YAE1: variants seen among roughly 807,000 people sequenced by gnomAD.
YAE1 encodes the protein protein YAE1 homolog.
YAE1 carries 22 observed loss-of-function variants against 23.0 expected under a neutral mutation model. The observed-to-expected ratio is 0.96, with a 90% CI of 0.68 to 1.37. The LOEUF is 1.37. YAE1 is among the 40% of genes most tolerant of loss of function. YAE1 has a pLI of 0.00. For synonymous variants in YAE1, 101 were observed against 97.0 expected (o/e 1.04, Z -0.24); for missense variants, 260 against 262.1 (o/e 0.99, Z 0.06).
rs139384714 is a variant in YAE1, at chr7:39,572,625, A to G, written c.600A>G (p.Thr200=). ...CACATTCAGAAAACCCAAGCCCCAC[A>G]TGGATTTTGGAACAGACAGCCAGTT... ...EHAHSENPSP[T]WILEQTASLV... Residue 200 remains threonine, a synonymous_variant, in exon 3 of 3, where the codon ACA becomes ACG. Transcript: ENST00000223273. 5.8e-5 allele frequency: 93 copies of G among 1,614,056 alleles called. 2 individuals are homozygous for G. The African/African-American group carries it at 7.2e-4, about 12-fold the overall frequency.
chr7:39,605,461 T>A (rs1791116489), intron 2 of YAE1, among the ~76,000 whole-genome samples: 1 of 152,214 alleles, frequency 6.6e-6, no homozygotes, highest in South Asian at 2.1e-4. Context: ...AGAAGACTGA[T>A]CCTCCCTCAA....
chr7:39,601,229 A>T (rs940763274), intron 2 of YAE1, among the ~76,000 whole-genome samples: 1 of 152,242 alleles, frequency 6.6e-6, no homozygotes, highest in Non-Finnish European at 1.5e-5. Context: ...TGCCAGGAAC[A>T]TGCTTAATTC....
intron 2 of YAE1, among the ~76,000 whole-genome samples, chr7:39,578,765 T>G (rs1191500155): frequency 6.6e-6 from 1 of 152,200 alleles, no homozygotes; most frequent in Non-Finnish European, 1.5e-5. Context: ...GGTCTGCAGC[T>G]TCATTCTTGA....
chr7:39,589,467 T>C (rs1309489894), intron 2 of YAE1, among the ~76,000 whole-genome samples: 4 of 151,780 alleles, frequency 2.6e-5, no homozygotes, highest in Non-Finnish European at 4.4e-5. Flanking sequence ...AGGGTTTCAC[T>C]AGGCTGGTCT....
At chr7:39,611,825 A>G (rs568740490), downstream of YAE1, among the ~76,000 whole-genome samples, 168 of 152,304 alleles carry the variant, frequency 1.1e-3, no homozygotes, top group African/African-American at 3.9e-3. Flanking sequence ...TATAGAATAT[A>G]GTTTTTTTAA....
In YAE1 at chr7:39,572,747, T is replaced by C. The variant is rs1256403433; in HGVS notation, c.*41T>C. The C allele has an allele frequency of 1.3e-6, 2 of 1,526,452 alleles. No homozygotes were observed. The highest frequency in any genetic ancestry group is 8.8e-7 in the Non-Finnish European group (1 of 1,142,720). 94.6% of individuals were successfully genotyped at this position (1,526,452 alleles called of 1,614,324 possible). On this transcript the variant is annotated 3_prime_UTR_variant, in exon 3 of 3. Coordinates refer to ENST00000223273, the MANE Select transcript of YAE1 (RefSeq NM_020192.5). Reference sequence around the variant, plus strand: ...TCTAATGAAAATAATGTTCAGAACATTTGGTTTCCTAACAATCGAAATTTG... The same window carrying C: ...TCTAATGAAAATAATGTTCAGAACACTTGGTTTCCTAACAATCGAAATTTG...
downstream of YAE1, among the ~76,000 whole-genome samples, chr7:39,576,237 A>C (rs899491826): frequency 1.3e-5 from 2 of 152,254 alleles, no homozygotes; most frequent in African/African-American, 4.8e-5. Flanking sequence ...TAATTAATTT[A>C]TGTACCAGCC....
At chr7:39,569,189 C>G (rs866732134) in intron 1 of YAE1, among the ~76,000 whole-genome samples, 35 of 152,302 alleles carry the variant, frequency 2.3e-4, no homozygotes, top group Admixed American at 1.2e-3. Context: ...AACCACCATA[C>G]TGTCCTTAAA....
chr7:39,601,502 G>A (rs533346084), intron 2 of YAE1, among the ~76,000 whole-genome samples: 248 of 152,298 alleles, frequency 1.6e-3, no homozygotes, highest in Non-Finnish European at 2.4e-3. Context: ...GTTCACGCCT[G>A]TAATCCCAGC....
chr7:39,569,751 C>T (rs920543975), intron 1 of YAE1: 17 of 747,906 alleles, frequency 2.3e-5, no homozygotes, highest in Admixed American at 1.2e-4. Flanking sequence ...TGACGTACTA[C>T]TCATCTGAAC....
intron 2 of YAE1, among the ~76,000 whole-genome samples, chr7:39,586,023 T>A (rs1442756660): frequency 2.6e-5 from 4 of 152,054 alleles, no homozygotes; most frequent in Non-Finnish European, 5.9e-5. Flanking sequence ...TCACTGTAAC[T>A]TTGGAGGTCA....
exon 3 of YAE1, chr7:39,609,651 G>A: frequency 6.5e-7 from 1 of 1,535,622 alleles, no homozygotes; most frequent in Non-Finnish European, 8.7e-7. Flanking sequence ...GGGCTTGAGA[G>A]CCCCGCTGAG....
chr7:39,583,732 A>G lies in YAE1; in HGVS notation c.251+13105A>G, dbSNP rs535229178. Among the ~76,000 whole-genome samples the G allele has an allele frequency of 1.5e-4, 22 of 150,940 alleles. No individual in the cohort carries two copies. The South Asian group carries it at 3.9e-3, about 27-fold the overall frequency. ...ATAAAATGGAGGTAATGGTAGTGAC[A>G]TCATTGTTTCTGTGGGGATTACGTG... On this transcript the variant is annotated intron_variant, in intron 2 of 2. Transcript: ENST00000432096.
chr7:39,579,009 C>A (rs573036451), intron 2 of YAE1, among the ~76,000 whole-genome samples: 1 of 152,156 alleles, frequency 6.6e-6, no homozygotes, highest in South Asian at 2.1e-4. Context: ...TGAAAACAAA[C>A]CAAGATGTTA....
At chr7:39,585,104 T>C (rs771065143) in intron 2 of YAE1, among the ~76,000 whole-genome samples, 2 of 152,224 alleles carry the variant, frequency 1.3e-5, no homozygotes, top group Admixed American at 6.5e-5. Flanking sequence ...ACATTGTTCT[T>C]AGACCATAGA....
At chr7:39,578,127 C>T (rs752943658) in intron 2 of YAE1, among the ~76,000 whole-genome samples, 2 of 151,870 alleles carry the variant, frequency 1.3e-5, no homozygotes, top group Non-Finnish European at 2.9e-5. Context: ...TGGAGAACTT[C>T]TATGTCTAGC....
intron 2 of YAE1, among the ~76,000 whole-genome samples, chr7:39,580,422 T>G (rs1389326839): frequency 6.6e-6 from 1 of 152,260 alleles, no homozygotes; most frequent in Non-Finnish European, 1.5e-5. Flanking sequence ...ATAAATAGTC[T>G]GCTCTTTCCA....
intron 2 of YAE1, among the ~76,000 whole-genome samples, chr7:39,599,935 T>C (rs1044446480): frequency 6.6e-6 from 1 of 152,130 alleles, no homozygotes; most frequent in Non-Finnish European, 1.5e-5. Context: ...CATGATGATA[T>C]TTGCATAGTA....
At chr7:39,574,024 C>T, downstream of YAE1, among the ~76,000 whole-genome samples, 1 of 152,190 alleles carries the variant, frequency 6.6e-6, no homozygotes, top group Non-Finnish European at 1.5e-5. Flanking sequence ...TAAGCAGCCT[C>T]TAAAGTCTTT....
Sources: allele counts gnomAD v4.1 joint callset (sites outside exome capture counted in the v4.1 genomes callset), GRCh38; gene constraint gnomAD v4.1.1; transcripts MANE v1.5; gene names NCBI Gene and HGNC (gene_info 2026-07-23, HGNC 2026-07-21).